The following POM121 variants were observed in gnomAD, a reference collection of about 807,000 sequenced individuals.
POM121 encodes the protein POM121 transmembrane nucleoporin, also known as nuclear envelope pore membrane protein POM 121.
POM121 carries 32 observed loss-of-function variants against 81.3 expected under a neutral mutation model. The ratio of observed to expected loss-of-function variants is 0.39; its 90% CI spans 0.30 to 0.53. The LOEUF (loss-of-function observed/expected upper bound fraction) is 0.53. Among genes scored for constraint, POM121 ranks in the 20% least tolerant of loss-of-function variants. POM121 has a pLI of 0.66. For missense variants in POM121, 1,138 were observed against 1,614.6 expected (o/e 0.70, Z 5.06); for synonymous variants, 514 against 694.2 (o/e 0.74, Z 4.08).
chr7:72,907,014 T>C (rs1793309493), intron 3 of POM121, among the ~76,000 whole-genome samples: 1 of 152,204 alleles, frequency 6.6e-6, no homozygotes, highest in Admixed American at 6.5e-5. Flanking sequence ...GATGGGTTTT[T>C]ATTATCTCTT....
intron 4 of POM121, among the ~76,000 whole-genome samples, chr7:72,918,111 G>A (rs1794461940): frequency 1.3e-5 from 2 of 152,194 alleles, no homozygotes; most frequent in South Asian, 4.1e-4. Context: ...CATGAAGGTG[G>A]ACTAGGAGTG....
intron 5 of POM121, among the ~76,000 whole-genome samples, chr7:72,932,981 G>A (rs1796164926): frequency 6.6e-6 from 1 of 151,754 alleles, no homozygotes. Context: ...GAACCTGGGA[G>A]GCAGGGGTTG....
At chr7:72,904,271 G>T (rs1450178669) in intron 3 of POM121, among the ~76,000 whole-genome samples, 1 of 152,204 alleles carries the variant, frequency 6.6e-6, no homozygotes, top group Non-Finnish European at 1.5e-5. Context: ...GGGCAGGTCT[G>T]AATTTCAGTA....
At chr7:72,946,053 G>T in intron 12 of POM121, 84 bp from the exon 13 acceptor site, 6 of 1,554,764 alleles carry the variant, frequency 3.9e-6, no homozygotes, top group Non-Finnish European at 5.2e-6. Context: ...TTTATTACTG[G>T]CCTGGCCTTC....
chr7:72,929,211 G>A (rs1222005964), intron 4 of POM121, among the ~76,000 whole-genome samples: 1 of 152,192 alleles, frequency 6.6e-6, no homozygotes, highest in Non-Finnish European at 1.5e-5. Context: ...AAAGAAATAA[G>A]TGAGGGAAGG....
At chr7:72,887,998 C>T (rs1347594079) in intron 1 of POM121, among the ~76,000 whole-genome samples, 26 of 152,156 alleles carry the variant, frequency 1.7e-4, no homozygotes, top group Non-Finnish European at 3.4e-4. Context: ...CAGAAGTCCT[C>T]ATGTCTCTGT....
chr7:72,908,151 T>C (rs782049162), intron 3 of POM121, among the ~76,000 whole-genome samples: 10 of 152,252 alleles, frequency 6.6e-5, no homozygotes, highest in Non-Finnish European at 1.3e-4. Context: ...ATATCTTCAA[T>C]GATGTCGGGG....
At chr7:72,889,497 G>A (rs1273596672) in intron 1 of POM121, among the ~76,000 whole-genome samples, 9 of 151,736 alleles carry the variant, frequency 5.9e-5, no homozygotes, top group African/African-American at 1.9e-4. Context: ...GAGCCCAGGA[G>A]CTTTGCATTT....
At chr7:72,901,040 CA>C (rs1792579017) in intron 3 of POM121, among the ~76,000 whole-genome samples, 1 of 151,618 alleles carries the variant, frequency 6.6e-6, no homozygotes, top group Admixed American at 6.6e-5. Context: ...GGTCAGACTG[CA>C]GTGGTGTAAT....
intron 11 of POM121, among the ~76,000 whole-genome samples, chr7:72,944,661 C>A (rs1234820164): frequency 6.6e-6 from 1 of 152,108 alleles, no homozygotes; most frequent in African/African-American, 2.4e-5. Context: ...GGGTCAGTGC[C>A]CCGATGCAGC....
upstream of POM121, among the ~76,000 whole-genome samples, chr7:72,920,584 G>C (rs180887397): frequency 9.5e-4 from 145 of 152,130 alleles, 2 homozygotes; most frequent in East Asian, 0.027. Context: ...TTGATCTCCT[G>C]ACCTCATGAT....
chr7:72,890,637 C>T, exon 2 of POM121: 1 of 1,601,220 alleles, frequency 6.2e-7, no homozygotes, highest in Middle Eastern at 1.7e-4. Context: ...GGGCCAGTGT[C>T]ATTCAAAGAT....
intron 3 of POM121, among the ~76,000 whole-genome samples, chr7:72,912,573 G>A (rs563767292): frequency 3.9e-5 from 6 of 152,042 alleles, no homozygotes; most frequent in Admixed American, 2.0e-4. Context: ...TCAGGAGATC[G>A]AGACCATCCT....
At chr7:72,909,087 A>T (rs2129576150) in intron 3 of POM121, among the ~76,000 whole-genome samples, 1 of 152,352 alleles carries the variant, frequency 6.6e-6, no homozygotes, top group South Asian at 2.1e-4. Flanking sequence ...GGTGTAAGAA[A>T]TTATAAAAGT....
chr7:72,887,774 C>T (rs1790877599), intron 1 of POM121, among the ~76,000 whole-genome samples: 1 of 152,108 alleles, frequency 6.6e-6, no homozygotes, highest in Non-Finnish European at 1.5e-5. Context: ...TTGCAGTGAG[C>T]CGAGATTGTG....
chr7:72,900,299 C>T (rs1444300144), intron 3 of POM121, among the ~76,000 whole-genome samples: 2 of 150,798 alleles, frequency 1.3e-5, no homozygotes, highest in African/African-American at 4.9e-5. Flanking sequence ...CATTTTGATG[C>T]ATGCAGGGTC....
At position 72,946,336 on chromosome 7, in the gene POM121, T is replaced by C. The variant is rs1797689470; in HGVS notation, c.*102T>C. The C allele has an allele frequency of 6.7e-7, 1 of 1,483,698 alleles. No homozygotes were observed. The highest frequency in any genetic ancestry group is 2.5e-4 in the Middle Eastern group (1 of 3,968). The allele number at this position is 1,483,698 out of a possible 1,614,324, so 91.9% of individuals were successfully genotyped here. ...CCCTTCCAGTTGCGTAAAGCAAACC[T>C]ACCCCGGATCTCTGGCTTCAGCCGC... On this transcript the variant is annotated 3_prime_UTR_variant, in exon 13 of 13. Coordinates refer to ENST00000434423, the MANE Select transcript of POM121 (RefSeq NM_001387691.1).
At position 72,925,152 on chromosome 7, in the gene POM121, G is replaced by T. The variant is rs1342221788; in HGVS notation, c.31G>T (p.Gly11Cys). ...TCCGGCGGCTGCGGCGGCTGGAGCA[G>T]GCGAGCGGCGGCGGCCCATAGCGAG... is the stretch of plus-strand genomic sequence containing the variant. MSPAAAAAGA[G>C]ERRRPIASVR... The change falls in exon 1 of 13, where the codon GGC becomes TGC. Residue 11 changes from glycine to cysteine, a missense_variant. Around this residue, in one of 7 missense-constraint regions of POM121, gnomAD observed 646 missense variants for 633.5 expected, o/e 1.02. Transcript: ENST00000434423. The T allele has an allele frequency of 5.4e-6, 8 of 1,476,132 alleles. No individual in the cohort carries two copies. Among genetic ancestry groups the T allele is most frequent in the Non-Finnish European group, 7.1e-6 (8 of 1,123,606 alleles). 91.4% of individuals were successfully genotyped at this position (1,476,132 alleles called of 1,614,324 possible).
At chr7:72,948,502 T>G (rs1554503860), downstream of POM121, 3 of 1,613,382 alleles carry the variant, frequency 1.9e-6, no homozygotes, top group East Asian at 2.2e-5. Context: ...CAAGGCGGTG[T>G]GCAAGCACCG....
Sources: gnomAD v4.1 joint callset for allele counts (sites outside exome capture counted in the v4.1 genomes callset) on GRCh38, gnomAD v4.1.1 for gene constraint, gnomAD v4.1.1 regional missense constraint, MANE v1.5 for transcripts, NCBI Gene and HGNC (gene_info 2026-07-23, HGNC 2026-07-21) for gene names.